The following ERICH3 variants were observed in gnomAD, a reference collection of about 807,000 sequenced individuals.
ERICH3 encodes glutamate-rich protein 3.
Under a neutral mutation model 131.1 loss-of-function variants are expected in ERICH3, and 126 were observed. The observed-to-expected ratio is 0.96, with a 90% CI of 0.83 to 1.11. The LOEUF is 1.11. Among genes scored for constraint, ERICH3 ranks in the 50% most tolerant of loss-of-function variants. The pLI is 0.00. For synonymous variants in ERICH3, 695 were observed against 644.6 expected, an observed-to-expected ratio of 1.08 and a Z score of -1.18; for missense variants, 2,050 against 1,810.7, an observed-to-expected ratio of 1.13 and a Z score of -2.40.
At chr1:74,603,677 T>C (rs1407629537) in intron 10 of ERICH3, among the ~76,000 whole-genome samples, 1 of 151,920 alleles carries the variant, frequency 6.6e-6, no homozygotes, top group Non-Finnish European at 1.5e-5. Context: ...AATTTTTTGG[T>C]TTCCCAGTGC....
intron 1 of ERICH3, among the ~76,000 whole-genome samples, chr1:74,670,296 T>C (rs1646729122): frequency 6.6e-6 from 1 of 152,208 alleles, no homozygotes; most frequent in African/African-American, 2.4e-5. Flanking sequence ...TTTATATATT[T>C]AGGCTCCTGC....
chr1:74,641,423 G>T lies in ERICH3; in HGVS notation c.352C>A (p.Pro118Thr). Reference protein sequence around the residue: ...HTRRSVENNMPILSPHPPVGP... With the variant: ...HTRRSVENNMTILSPHPPVGP... The stretch of plus-strand genomic sequence containing the variant: ...ACTGGTGGGTGGGGAGACAGGATTG[G>T]CATGTTATTTTCAACAGACCTTCTT... The change falls in exon 5 of 15, where the codon CCA becomes ACA. Residue 118 changes from proline (P) to threonine (T), a missense_variant. By Grantham distance (38) the Pro-to-Thr change is conservative (BLOSUM62 -1). Coordinates refer to ENST00000326665, the MANE Select transcript of ERICH3 (RefSeq NM_001002912.5). 6.2e-7 allele frequency: 1 copy of T among 1,610,932 alleles called. No homozygotes were observed. Among genetic ancestry groups the T allele is most frequent in the Non-Finnish European group, 8.5e-7 (1 of 1,179,020 alleles).
At position 74,568,205 on chromosome 1, in the gene ERICH3, T is replaced by A. The variant is rs138267967; in HGVS notation, c.*2253A>T. 1.3e-3 allele frequency: 192 copies of A among 152,302 alleles called. No individual in the cohort carries two copies. The highest frequency in any genetic ancestry group is 4.3e-3 in the African/African-American group (179 of 41,580). 9.4% of individuals were successfully genotyped at this position (152,302 alleles called of 1,614,324 possible). A position where few individuals can be genotyped will look rare whatever the true frequency, so the allele number is the denominator to read the frequency against. On this transcript the variant is annotated 3_prime_UTR_variant, in exon 15 of 15. Coordinates refer to ENST00000326665, the MANE Select transcript of ERICH3 (RefSeq NM_001002912.5). ...CATACAAGTAATTTTATCAACATAG[T>A]ATTTGCAGAGAAAGAATTCACTTAT...
intron 12 of ERICH3, chr1:74,579,338 T>C: frequency 1.1e-6 from 1 of 903,248 alleles, no homozygotes; most frequent in Non-Finnish European, 1.3e-6. Flanking sequence ...AATTAGCAGG[T>C]ACTGAACCAA....
intron 5 of ERICH3, among the ~76,000 whole-genome samples, chr1:74,640,264 T>G (rs1646426870): frequency 6.6e-6 from 1 of 152,052 alleles, no homozygotes; most frequent in Non-Finnish European, 1.5e-5. Context: ...CTTTTGAGAG[T>G]CTAGTGAATT....
At chr1:74,622,572 C>T (rs1649259801) in intron 7 of ERICH3, 1 of 152,222 alleles carries the variant, frequency 6.6e-6, no homozygotes, top group Non-Finnish European at 1.5e-5. Flanking sequence ...CAAGCTGCAC[C>T]TAGCACCTTT....
intron 9 of ERICH3, among the ~76,000 whole-genome samples, chr1:74,609,351 T>C (rs1438430731): frequency 6.6e-6 from 1 of 152,090 alleles, no homozygotes; most frequent in African/African-American, 2.4e-5. Flanking sequence ...CACAAATGTT[T>C]CTGGGACTGG....
At chr1:74,671,762 C>T (rs1422994573) in intron 1 of ERICH3, among the ~76,000 whole-genome samples, 3 of 152,094 alleles carry the variant, frequency 2.0e-5, no homozygotes, top group Non-Finnish European at 2.9e-5. Flanking sequence ...TTTTCATTTC[C>T]GAATACATGC....
chr1:74,657,153 T>C (rs1046659438), intron 1 of ERICH3, among the ~76,000 whole-genome samples: 3 of 152,218 alleles, frequency 2.0e-5, no homozygotes, highest in African/African-American at 4.8e-5. Flanking sequence ...GCATATTTTA[T>C]GTATTTTGGC....
intron 13 of ERICH3, among the ~76,000 whole-genome samples, chr1:74,575,534 C>T (rs777090137): frequency 1.3e-5 from 2 of 152,026 alleles, no homozygotes; most frequent in Non-Finnish European, 2.9e-5. Context: ...AGATTATTAC[C>T]GTATTTGAAA....
intron 12 of ERICH3, among the ~76,000 whole-genome samples, chr1:74,583,092 A>G (rs1306201962): frequency 6.6e-6 from 1 of 152,188 alleles, no homozygotes; most frequent in Non-Finnish European, 1.5e-5. Context: ...CCAGTTCTCC[A>G]TGGTAAAGCT....
In ERICH3 at chr1:74,601,751, C is replaced by A. The variant is rs532893883; in HGVS notation, c.1490-1820G>T. ...TGCTGCAATTCCATCCATAGTGTTA[C>A]ATAGTAGTGAAATGTCAAGGTTTGG... On this transcript the variant is annotated intron_variant, in intron 10 of 14. Transcript: ENST00000326665. Among the ~76,000 whole-genome samples the A allele has an allele frequency of 1.3e-4, 20 of 151,920 alleles. No homozygotes were observed. The East Asian group carries it at 3.9e-3, about 30-fold the overall frequency.
chr1:74,621,516 A>G (rs1410473164), intron 7 of ERICH3: 1 of 152,154 alleles, frequency 6.6e-6, no homozygotes, highest in East Asian at 1.9e-4. Flanking sequence ...GCTTGGGACT[A>G]TCCAGTTTCA....
intron 12 of ERICH3, among the ~76,000 whole-genome samples, chr1:74,580,820 G>A (rs115271951): frequency 0.028 from 4,212 of 152,174 alleles, 87 homozygotes; most frequent in Non-Finnish European, 0.037. Flanking sequence ...TTTCCTACAT[G>A]AGTAAATTAC....
intron 11 of ERICH3, among the ~76,000 whole-genome samples, chr1:74,597,876 C>T (rs1412899391): frequency 1.3e-5 from 2 of 151,868 alleles, no homozygotes; most frequent in African/African-American, 2.4e-5. Context: ...TCCACCAAAA[C>T]CATGTGGATC....
intron 10 of ERICH3, among the ~76,000 whole-genome samples, chr1:74,605,971 T>C (rs1648369615): frequency 6.7e-6 from 1 of 148,496 alleles, no homozygotes; most frequent in Non-Finnish European, 1.5e-5. Flanking sequence ...TGCCTGCATA[T>C]ATATGTGTGT....
At chr1:74,582,352 T>G (rs1037002250) in intron 12 of ERICH3, among the ~76,000 whole-genome samples, 1 of 152,178 alleles carries the variant, frequency 6.6e-6, no homozygotes, top group Non-Finnish European at 1.5e-5. Context: ...GCAAATTCCT[T>G]GGATTTTGTG....
At chr1:74,663,622 T>TA (rs75939047) in intron 1 of ERICH3, among the ~76,000 whole-genome samples, 2,736 of 131,854 alleles carry the variant, frequency 0.021, 53 homozygotes, top group African/African-American at 0.052. Flanking sequence ...TGATTTTTGT[T>TA]AAAAAAAAAA....
At chr1:74,619,072 T>C (rs988590151) in intron 8 of ERICH3, among the ~76,000 whole-genome samples, 2 of 152,198 alleles carry the variant, frequency 1.3e-5, no homozygotes, top group African/African-American at 4.8e-5. Context: ...GAGACAAAAT[T>C]ATTGCATCGA....
Sources: gnomAD v4.1 joint callset for allele counts (sites outside exome capture counted in the v4.1 genomes callset) on GRCh38, gnomAD v4.1.1 for gene constraint, MANE v1.5 for transcripts, NCBI Gene and HGNC (gene_info 2026-07-23, HGNC 2026-07-21) for gene names.